The following SERGEF variants were observed in gnomAD, a reference collection of about 807,000 sequenced individuals.
The protein encoded by SERGEF is secretion regulating guanine nucleotide exchange factor.
SERGEF carries 51 observed loss-of-function variants against 50.0 expected under a neutral mutation model. The observed-to-expected ratio is 1.02, with a 90% CI of 0.81 to 1.29. SERGEF has a LOEUF of 1.29. Among genes scored for constraint, SERGEF ranks in the 50% most tolerant of loss-of-function variants. SERGEF has a pLI of 0.00. For missense variants in SERGEF, 521 were observed against 557.0 expected (o/e 0.94, Z 0.65); for synonymous variants, 205 against 212.4 (o/e 0.97, Z 0.30).
intron 8 of SERGEF, among the ~76,000 whole-genome samples, chr11:17,987,790 A>C (rs1853631045): frequency 6.6e-6 from 1 of 152,200 alleles, no homozygotes; most frequent in Admixed American, 6.5e-5. Flanking sequence ...TTGGGAGTCT[A>C]GAGATGTGTG....
chr11:17,817,346 C>G (rs980169165), intron 10 of SERGEF, among the ~76,000 whole-genome samples: 2 of 151,840 alleles, frequency 1.3e-5, no homozygotes, highest in Non-Finnish European at 2.9e-5. Flanking sequence ...TCCCAAATAG[C>G]TGAGATTACA....
At chr11:17,949,170 TTATC>T (rs1485743525) in intron 9 of SERGEF, among the ~76,000 whole-genome samples, 6 of 152,226 alleles carry the variant, frequency 3.9e-5, no homozygotes, top group Middle Eastern at 3.4e-3. Context: ...TGTTTTCTCT[TTATC>T]TACCTCAAGA....
At chr11:17,975,560 A>C (rs1394533872) in intron 8 of SERGEF, among the ~76,000 whole-genome samples, 12 of 152,158 alleles carry the variant, frequency 7.9e-5, no homozygotes, top group Admixed American at 6.5e-5. Context: ...CATCTCATAG[A>C]TTCTCAAAAT....
At position 17,995,911 on chromosome 11, in the gene SERGEF, T is replaced by C; in HGVS notation, c.509-2A>G. On this transcript the variant is annotated splice_acceptor_variant, in intron 5 of 10. Transcript: ENST00000265965. LOFTEE classifies it high-confidence loss of function. ...CCCACTGGAACACGATGCCACTCGCTTCCCAACAGAATGGAAGAGAAAGCA... is the reference window on the plus strand; with the variant it reads ...CCCACTGGAACACGATGCCACTCGCCTCCCAACAGAATGGAAGAGAAAGCA... 1 of 1,608,354 alleles carries C rather than the reference T, an allele frequency of 6.2e-7. No homozygotes were observed. The highest frequency in any genetic ancestry group is 8.5e-7 in the Non-Finnish European group (1 of 1,175,028).
At chr11:17,985,156 AG>A (rs1853567990) in intron 8 of SERGEF, among the ~76,000 whole-genome samples, 1 of 152,190 alleles carries the variant, frequency 6.6e-6, no homozygotes, top group Non-Finnish European at 1.5e-5. Flanking sequence ...AGTAGTCTCA[AG>A]GTGGCATTAT....
rs1248814993 is a variant in SERGEF at position 17,827,046 on chromosome 11, A to G, written c.1049-38633T>C. Among the ~76,000 whole-genome samples the G allele has an allele frequency of 2.0e-5, 3 of 152,306 alleles. No homozygotes were observed. In the East Asian group the frequency reaches 5.8e-4, roughly 29 times the overall value. On this transcript the variant is annotated intron_variant, in intron 10 of 10. Coordinates refer to ENST00000265965, the MANE Select transcript of SERGEF (RefSeq NM_012139.4). Reference sequence around the variant, plus strand: ...GTTCAAATATTAAATAGATGCCTGGATTTTAAAATGCCGAAAATTTATCTC... The same window carrying G: ...GTTCAAATATTAAATAGATGCCTGGGTTTTAAAATGCCGAAAATTTATCTC...
chr11:18,012,997 G>T lies in SERGEF; in HGVS notation c.14C>A (p.Pro5His). Residue 5 changes from proline (P) to histidine (H), a missense_variant, in exon 1 of 11, where the codon CCC (proline) becomes CAC (histidine). Pro to His is a moderately conservative substitution (Grantham distance 77, BLOSUM62 -2). Transcript: ENST00000265965. MERE[P>H]SASEAAPAAA... is the part of the protein sequence containing the mutation. Reference sequence around the variant, plus strand: ...CGCGGGGGCGGCCTCCGAGGCGCTGGGCTCGCGCTCCATGCGAGGACGCTC... The same window carrying T: ...CGCGGGGGCGGCCTCCGAGGCGCTGTGCTCGCGCTCCATGCGAGGACGCTC... 1 of 1,452,256 alleles carries T rather than the reference G, an allele frequency of 6.9e-7. No homozygotes were observed. The highest frequency in any genetic ancestry group is 9.0e-7 in the Non-Finnish European group (1 of 1,112,956). 90.0% of individuals were successfully genotyped at this position (1,452,256 alleles called of 1,614,324 possible). A position where few individuals can be genotyped will look rare whatever the true frequency, so the allele number is the denominator to read the frequency against.
chr11:17,872,237 G>T (rs1000576458), intron 10 of SERGEF, among the ~76,000 whole-genome samples: 4 of 152,182 alleles, frequency 2.6e-5, no homozygotes, highest in African/African-American at 7.2e-5. Context: ...CAGAGATGGA[G>T]CATGAACTAG....
At chr11:17,794,899 C>A (rs1017765613) in intron 10 of SERGEF, among the ~76,000 whole-genome samples, 16 of 152,188 alleles carry the variant, frequency 1.1e-4, no homozygotes, top group Non-Finnish European at 1.9e-4. Flanking sequence ...CTCCAGCTGG[C>A]GAGAGAAAGA....
intron 9 of SERGEF, among the ~76,000 whole-genome samples, chr11:17,948,718 C>T (rs1435561993): frequency 1.3e-5 from 2 of 152,216 alleles, no homozygotes; most frequent in Non-Finnish European, 2.9e-5. Context: ...CCACAGTAGC[C>T]TCCCAGCACC....
rs1289489966 is a variant in SERGEF at position 18,012,675 on chromosome 11, G to A, written c.60+276C>T. ...CTGGAGGGCTCTCGCGGAACCAGAC[G>A]CTCTGCCCCGAGGCAGGTTCTTCCC... On this transcript the variant is annotated intron_variant, in intron 1 of 10. Transcript: ENST00000265965. 8.6e-6 allele frequency: 10 copies of A among 1,167,464 alleles called. 1 individual carries two copies. The highest frequency in any genetic ancestry group is 6.3e-4 in the Middle Eastern group (2 of 3,190). 72.3% of individuals were successfully genotyped at this position (1,167,464 alleles called of 1,614,324 possible).
intron 9 of SERGEF, among the ~76,000 whole-genome samples, chr11:17,878,567 T>C (rs1851283320): frequency 6.6e-6 from 1 of 152,210 alleles, no homozygotes; most frequent in Non-Finnish European, 1.5e-5. Context: ...CATATGTTAC[T>C]GTAAAAATGG....
chr11:17,834,469 T>G (rs1485031218), intron 10 of SERGEF, among the ~76,000 whole-genome samples: 2 of 152,206 alleles, frequency 1.3e-5, no homozygotes, highest in African/African-American at 4.8e-5. Context: ...TTTCCAACTC[T>G]AGGATTTTTC....
Position 18,008,029 on chromosome 11 carries a change from C to T in SERGEF, c.108G>A (p.Val36=). 1.2e-6 allele frequency: 2 copies of T among 1,614,070 alleles called. No homozygotes were observed. Among genetic ancestry groups the T allele is most frequent in the South Asian group, 1.1e-5 (1 of 91,072 alleles). Reference sequence around the variant, plus strand: ...AGTCATTCAGTTGCTGGGGCAACAGCACATCTTCCTTATGGCCGAGGCCAA... The same window carrying T: ...AGTCATTCAGTTGCTGGGGCAACAGTACATCTTCCTTATGGCCGAGGCCAA... ...GQLGLGHKED[V]LLPQQLNDFC... is the part of the protein sequence containing the mutation. Residue 36 remains valine, a synonymous_variant, in exon 2 of 11, where the codon GTG becomes GTA. Coordinates refer to ENST00000265965, the MANE Select transcript of SERGEF (RefSeq NM_012139.4).
In SERGEF at chr11:18,006,466, G is replaced by A. The variant is rs543449990; in HGVS notation, c.352+125C>T. 9.5e-5 allele frequency: 90 copies of A among 948,250 alleles called. No homozygotes were observed. The East Asian group carries it at 2.0e-3, about 21-fold the overall frequency. 58.7% of individuals were successfully genotyped at this position (948,250 alleles called of 1,614,324 possible). A position where few individuals can be genotyped will look rare whatever the true frequency, so the allele number is the denominator to read the frequency against. On this transcript the variant is annotated intron_variant, in intron 3 of 10. Transcript: ENST00000265965. ...GCTGGAATTACAATTGTGAGCCACC[G>A]CACCAGGCCTTATGTGTGCTTTTTA...
Position 17,991,128 on chromosome 11 carries a change from A to AT in SERGEF, c.685+1802dup, listed in dbSNP as rs543403726. 7.4e-4 allele frequency among the ~76,000 whole-genome samples: 112 copies of AT among 152,308 alleles called. No individual in the cohort carries two copies. The highest frequency in any genetic ancestry group is 3.5e-3 in the South Asian group (17 of 4,828). On this transcript the variant is annotated intron_variant, in intron 7 of 10. Transcript: ENST00000265965. This position sits in a 1 kb window ranked among gnomAD's most constrained non-coding sequence, Gnocchi z 4.9. ...CCATAATCTTTAGCTCATTTTCAAAATATCAAAAACCATTTCACTTTGTGA... is the reference window on the plus strand; with the variant it reads ...CCATAATCTTTAGCTCATTTTCAAAATTATCAAAAACCATTTCACTTTGTGA...
At chr11:17,992,297 G>A (rs1367833837) in intron 7 of SERGEF, among the ~76,000 whole-genome samples, 2 of 152,046 alleles carry the variant, frequency 1.3e-5, no homozygotes, top group Non-Finnish European at 2.9e-5. Context: ...ATATTACAAA[G>A]ATTAAAGATA....
chr11:17,792,561 C>T (rs891605223), intron 10 of SERGEF, among the ~76,000 whole-genome samples: 24 of 152,188 alleles, frequency 1.6e-4, no homozygotes, highest in Non-Finnish European at 1.2e-4. Context: ...AGGACTAGAG[C>T]CAGGATTTTC....
In SERGEF at chr11:17,788,328, C is replaced by T; in HGVS notation, c.1134G>A (p.Val378=). 1 of 1,614,214 alleles carries T rather than the reference C, an allele frequency of 6.2e-7. No individual in the cohort carries two copies. The highest frequency in any genetic ancestry group is 1.1e-5 in the South Asian group (1 of 91,086). Residue 378 remains valine (V), a synonymous_variant, in exon 11 of 11, where the codon GTG becomes GTA. Coordinates refer to ENST00000265965, the MANE Select transcript of SERGEF (RefSeq NM_012139.4). ...GTCCTGACGATGACAGCAGAGCCTG[C>T]ACCGGCTTTGGGGCCCAGACGTTGG... ...TEANVWAPKP[V]QALLSSSGLL...
Sources: allele counts gnomAD v4.1 joint callset (sites outside exome capture counted in the v4.1 genomes callset), GRCh38; gene constraint gnomAD v4.1.1; non-coding constraint Gnocchi (gnomAD v3.1); transcripts MANE v1.5; gene names NCBI Gene and HGNC (gene_info 2026-07-23, HGNC 2026-07-21).